Variants in RBMS3 observed in about 807,000 individuals in gnomAD.
RBMS3 encodes the protein RNA-binding motif, single-stranded-interacting protein 3.
RBMS3 carries 27 observed loss-of-function variants against 66.8 expected under a neutral mutation model. The observed-to-expected ratio is 0.40, with a 90% CI of 0.30 to 0.56. The LOEUF (loss-of-function observed/expected upper bound fraction) is 0.56, where lower values mean the gene tolerates loss of function less well. Among genes scored for constraint, RBMS3 ranks in the 20% least tolerant of loss-of-function variants. The pLI is 0.40. For missense variants in RBMS3, 513 were observed against 549.5 expected (o/e 0.93, Z 0.66); for synonymous variants, 188 against 183.0 (o/e 1.03, Z -0.22).
At chr3:29,529,179 T>A (rs879328501) in intron 3 of RBMS3, among the ~76,000 whole-genome samples, 27 of 152,230 alleles carry the variant, frequency 1.8e-4, no homozygotes, top group Non-Finnish European at 3.2e-4. Context: ...AATGTGAGCT[T>A]ATGGGAGTGT....
chr3:29,344,864 G>A (rs1559503725), intron 1 of RBMS3, among the ~76,000 whole-genome samples: 1 of 152,134 alleles, frequency 6.6e-6, no homozygotes, highest in South Asian at 2.1e-4. Context: ...TTCTCCATAA[G>A]GAACTTCTTC....
At chr3:29,806,317 C>G (rs1044265873) in intron 6 of RBMS3, among the ~76,000 whole-genome samples, 4 of 152,056 alleles carry the variant, frequency 2.6e-5, no homozygotes, top group Admixed American at 1.3e-4. Flanking sequence ...AGCTAAATGA[C>G]AAAATGCTTC....
Position 29,504,324 on chromosome 3 carries a change from G to A in RBMS3, c.307+15825G>A, listed in dbSNP as rs2044098497. Reference sequence around the variant, plus strand: ...ATTTAAAGTGCACAGGACCTTATGAGTTTTAGGGGGCCACAAAACATGAAC... The same window carrying A: ...ATTTAAAGTGCACAGGACCTTATGAATTTTAGGGGGCCACAAAACATGAAC... On this transcript the variant is annotated intron_variant, in intron 3 of 14. Coordinates refer to ENST00000383767, the MANE Select transcript of RBMS3 (RefSeq NM_001003793.3). 5.9e-5 allele frequency among the ~76,000 whole-genome samples: 9 copies of A among 152,126 alleles called. No individual in the cohort carries two copies. In the South Asian group the frequency reaches 1.9e-3, roughly 32 times the overall value.
Position 29,317,089 on chromosome 3 carries a change from A to G in RBMS3, c.75+35333A>G, listed in dbSNP as rs144972946. Among the ~76,000 whole-genome samples the G allele has an allele frequency of 5.1e-4, 77 of 151,842 alleles. 1 individual carries two copies. The highest frequency in any genetic ancestry group is 1.8e-3 in the African/African-American group (76 of 41,512). On this transcript the variant is annotated intron_variant, in intron 1 of 14. Coordinates refer to ENST00000383767, the MANE Select transcript of RBMS3 (RefSeq NM_001003793.3). ...TTTTTAGGGATAAAAGGAGTGTAGT[A>G]AAAACTCAGTCAAATATTTGAAAAA...
rs1390786627 is a variant in RBMS3, at chr3:29,285,508, T to C, written c.75+3752T>C. 2.6e-5 allele frequency among the ~76,000 whole-genome samples: 4 copies of C among 152,214 alleles called. No individual in the cohort carries two copies. In the East Asian group the frequency reaches 7.8e-4, roughly 30 times the overall value. ...TACCAGTTCACTATGTTTCTACCAATCCAGTGCCCAGTTGCCAATGATGTT... is the reference window on the plus strand; with the variant it reads ...TACCAGTTCACTATGTTTCTACCAACCCAGTGCCCAGTTGCCAATGATGTT... On this transcript the variant is annotated intron_variant, in intron 1 of 14. Transcript: ENST00000383767.
At chr3:29,708,635 T>C (rs1225414483) in intron 4 of RBMS3, among the ~76,000 whole-genome samples, 1 of 152,202 alleles carries the variant, frequency 6.6e-6, no homozygotes, top group Non-Finnish European at 1.5e-5. Context: ...GGGGTGATTC[T>C]AGCAGAGGCT....
At chr3:29,298,944 CAG>C (rs1359861044) in intron 1 of RBMS3, among the ~76,000 whole-genome samples, 1 of 151,810 alleles carries the variant, frequency 6.6e-6, no homozygotes, top group African/African-American at 2.4e-5. Flanking sequence ...TTGGACAAGA[CAG>C]GAGTTATAAC....
rs542437821 is a variant in RBMS3 at position 29,328,302 on chromosome 3, GAGAACAATTATCTGTTTCGT to G, written c.75+46547_75+46566del. Among the ~76,000 whole-genome samples, 14 of 152,284 alleles carry G rather than the reference GAGAACAATTATCTGTTTCGT, an allele frequency of 9.2e-5. No homozygotes were observed. The East Asian group carries it at 2.7e-3, about 29-fold the overall frequency. ...TTAAATACTGAAATGAAAAGTCTGT[GAGAACAATTATCTGTTTCGT>G]TATGTGTTAGAAGTGGTAGATATGT... On this transcript the variant is annotated intron_variant, in intron 1 of 14. Coordinates refer to ENST00000383767, the MANE Select transcript of RBMS3 (RefSeq NM_001003793.3).
At chr3:29,442,367 C>G (rs1044503144) in intron 2 of RBMS3, among the ~76,000 whole-genome samples, 2 of 152,034 alleles carry the variant, frequency 1.3e-5, no homozygotes, top group Non-Finnish European at 2.9e-5. Context: ...GAAGAATTTT[C>G]TGCTGAATGT....
chr3:29,746,875 C>T (rs1214289675), intron 5 of RBMS3, among the ~76,000 whole-genome samples: 2 of 152,054 alleles, frequency 1.3e-5, no homozygotes, highest in African/African-American at 4.8e-5. Flanking sequence ...ATAAAAATGA[C>T]CACATACGAA....
intron 4 of RBMS3, among the ~76,000 whole-genome samples, chr3:29,614,085 A>G (rs114463424): frequency 0.016 from 2,501 of 152,234 alleles, 49 homozygotes; most frequent in African/African-American, 0.048. Context: ...ATGTTCATCA[A>G]TGGATGAATG....
intron 4 of RBMS3, among the ~76,000 whole-genome samples, chr3:29,663,163 T>C (rs57090083): frequency 0.035 from 5,377 of 152,270 alleles, 213 homozygotes; most frequent in African/African-American, 0.09. Flanking sequence ...ATGTTGCCTC[T>C]CCACAATTTC....
chr3:29,331,529 C>T (rs1452310778), intron 1 of RBMS3, among the ~76,000 whole-genome samples: 1 of 152,108 alleles, frequency 6.6e-6, no homozygotes, highest in Non-Finnish European at 1.5e-5. Flanking sequence ...CCGGGGAGCA[C>T]TTCTTTAATA....
At chr3:29,809,845 A>G (rs1014996543) in intron 6 of RBMS3, among the ~76,000 whole-genome samples, 4 of 152,042 alleles carry the variant, frequency 2.6e-5, no homozygotes, top group East Asian at 1.9e-4. Flanking sequence ...CAGTTTAGGA[A>G]TTTTAGAGGA....
chr3:29,984,528 G>T (rs949688717), intron 12 of RBMS3, among the ~76,000 whole-genome samples: 34 of 152,026 alleles, frequency 2.2e-4, no homozygotes, highest in African/African-American at 6.0e-4. Context: ...TTTTGCACTG[G>T]TTTTTTCTCA....
intron 1 of RBMS3, chr3:29,391,113 C>G (rs968456734): frequency 4.6e-6 from 1 of 217,982 alleles, no homozygotes; most frequent in African/African-American, 2.2e-5. Flanking sequence ...TCGATAGTGG[C>G]AGAAACCCCA....
intron 6 of RBMS3, among the ~76,000 whole-genome samples, chr3:29,846,911 A>T (rs1386681666): frequency 2.6e-5 from 4 of 152,144 alleles, no homozygotes; most frequent in African/African-American, 9.7e-5. Flanking sequence ...TTCTTCCCCT[A>T]ATGAAATAAA....
intron 1 of RBMS3, among the ~76,000 whole-genome samples, chr3:29,284,865 T>TC (rs1553626443): frequency 7.6e-6 from 1 of 131,266 alleles, no homozygotes; most frequent in African/African-American, 2.7e-5. Flanking sequence ...AATTTTTCTT[T>TC]TTTTTTTTTT....
chr3:29,780,067 A>G (rs1187616758), intron 6 of RBMS3, among the ~76,000 whole-genome samples: 1 of 151,968 alleles, frequency 6.6e-6, no homozygotes, highest in Non-Finnish European at 1.5e-5. Flanking sequence ...ACTGAAATTC[A>G]AAGATAAAGA....
Sources: allele counts gnomAD v4.1 joint callset (sites outside exome capture counted in the v4.1 genomes callset), GRCh38; gene constraint gnomAD v4.1.1; transcripts MANE v1.5; gene names NCBI Gene and HGNC (gene_info 2026-07-23, HGNC 2026-07-21).